The following GPC6 variants were observed in gnomAD, a reference collection of about 807,000 sequenced individuals.
The protein encoded by GPC6 is glypican-6.
In GPC6, 14 loss-of-function variants were observed where a neutral mutation model predicts 55.2. That is an observed-to-expected ratio of 0.25 (90% CI 0.17 to 0.40). The LOEUF (loss-of-function observed/expected upper bound fraction) is 0.40, where lower values mean the gene tolerates loss of function less well. Ranked by LOEUF, GPC6 falls within the 10% of genes least tolerant of loss-of-function variation. GPC6 has a pLI of 1.00. For synonymous variants in GPC6, 278 were observed against 259.6 expected (o/e 1.07, Z -0.68); for missense variants, 641 against 708.5 (o/e 0.90, Z 1.08).
chr13:93,673,483 A>T (rs1881456464), intron 2 of GPC6, among the ~76,000 whole-genome samples: 1 of 152,170 alleles, frequency 6.6e-6, no homozygotes, highest in Admixed American at 6.6e-5. Flanking sequence ...ACTGCACTGC[A>T]GCCTGGACGA....
chr13:93,361,570 A>T (rs1273713688), intron 1 of GPC6, among the ~76,000 whole-genome samples: 1 of 152,176 alleles, frequency 6.6e-6, no homozygotes, highest in Non-Finnish European at 1.5e-5. Context: ...AAAAACGTGT[A>T]TTTTCTAAAT....
Position 93,969,176 on chromosome 13 carries a change from G to C in GPC6, c.712-58553G>C, listed in dbSNP as rs1402030768. On this transcript the variant is annotated intron_variant, in intron 3 of 8. Transcript: ENST00000377047. ...TCTACTTCTCCCCAGTGTTATGGCA[G>C]CTTAGTAGTTTAAAAGGGATTGATA... 2.0e-5 allele frequency among the ~76,000 whole-genome samples: 3 copies of C among 152,188 alleles called. No homozygotes were observed. The East Asian group carries it at 5.8e-4, about 29-fold the overall frequency.
At chr13:94,115,413 A>AT (rs1566425498) in intron 4 of GPC6, among the ~76,000 whole-genome samples, 1 of 152,066 alleles carries the variant, frequency 6.6e-6, no homozygotes, top group African/African-American at 2.4e-5. Flanking sequence ...TCCCAGCTGA[A>AT]TTTTTTAAGC....
At chr13:93,412,422 G>A (rs1234974654) in intron 1 of GPC6, among the ~76,000 whole-genome samples, 2 of 152,156 alleles carry the variant, frequency 1.3e-5, no homozygotes, top group African/African-American at 2.4e-5. Context: ...TTGAGAGGCC[G>A]AGGCAGGTGG....
intron 4 of GPC6, among the ~76,000 whole-genome samples, chr13:94,114,591 G>C (rs987917822): frequency 3.9e-5 from 6 of 152,050 alleles, no homozygotes; most frequent in African/African-American, 1.4e-4. Flanking sequence ...TAGGATAGTG[G>C]GTGGGGTTGG....
intron 3 of GPC6, among the ~76,000 whole-genome samples, chr13:93,995,430 C>A (rs1933149): frequency 0.33 from 50,201 of 151,944 alleles, 8,794 homozygotes; most frequent in African/African-American, 0.44. Context: ...TCAAGTGATC[C>A]GTCCACCTTG....
chr13:94,092,975 C>T (rs1166197530), intron 4 of GPC6, among the ~76,000 whole-genome samples: 1 of 151,954 alleles, frequency 6.6e-6, no homozygotes, highest in Non-Finnish European at 1.5e-5. Context: ...TATTTGTTTT[C>T]TGGCTGAGTT....
chr13:94,100,523 A>G (rs1885818929), intron 4 of GPC6, among the ~76,000 whole-genome samples: 1 of 152,222 alleles, frequency 6.6e-6, no homozygotes. Context: ...TAATAGTATC[A>G]GCCCACATCT....
intron 8 of GPC6, among the ~76,000 whole-genome samples, chr13:94,401,101 AT>A (rs1468977238): frequency 2.3e-4 from 35 of 152,282 alleles, no homozygotes; most frequent in Non-Finnish European, 2.1e-4. Flanking sequence ...CAATATTGTC[AT>A]CTGTATTTGT....
chr13:93,396,543 G>A (rs138156298), intron 1 of GPC6, among the ~76,000 whole-genome samples: 3,914 of 151,742 alleles, frequency 0.026, 171 homozygotes, highest in African/African-American at 0.09. Flanking sequence ...ACTCCAGCCC[G>A]GGCAACAGAG....
chr13:93,745,459 A>G (rs921318447), intron 2 of GPC6, among the ~76,000 whole-genome samples: 6 of 152,032 alleles, frequency 3.9e-5, no homozygotes, highest in African/African-American at 1.4e-4. Context: ...TAAGTCACTG[A>G]CTTCTCCACA....
chr13:93,328,916 A>T, intron 1 of GPC6, among the ~76,000 whole-genome samples: 1 of 152,068 alleles, frequency 6.6e-6, no homozygotes. Context: ...AAATGCCAGG[A>T]GGTAGACTCC....
chr13:93,646,290 C>G (rs1293170309), intron 2 of GPC6, among the ~76,000 whole-genome samples: 1 of 152,010 alleles, frequency 6.6e-6, no homozygotes, highest in Non-Finnish European at 1.5e-5. Flanking sequence ...CAAGTAGTCC[C>G]AAGCTATGTT....
At chr13:93,614,035 C>T (rs1386353531) in intron 2 of GPC6, among the ~76,000 whole-genome samples, 1 of 152,162 alleles carries the variant, frequency 6.6e-6, no homozygotes, top group Admixed American at 6.5e-5. Context: ...ACCTCAAATG[C>T]TGTAAAGCTG....
chr13:94,386,717 A>T (rs1046874421), intron 7 of GPC6, among the ~76,000 whole-genome samples: 11 of 152,368 alleles, frequency 7.2e-5, no homozygotes, highest in African/African-American at 2.6e-4. Flanking sequence ...TATAAACTCA[A>T]GCCTGTGTGA....
chr13:93,693,935 A>C (rs1882354108), intron 2 of GPC6, among the ~76,000 whole-genome samples: 1 of 152,226 alleles, frequency 6.6e-6, no homozygotes, highest in Admixed American at 6.5e-5. Context: ...AGTAAACTTA[A>C]CTACTTATGG....
intron 2 of GPC6, among the ~76,000 whole-genome samples, chr13:93,590,639 T>C (rs1039997801): frequency 6.6e-6 from 1 of 152,164 alleles, no homozygotes; most frequent in Non-Finnish European, 1.5e-5. Flanking sequence ...TACTAAATAT[T>C]TTCAAGAGAT....
chr13:93,626,953 G>T (rs191702034), intron 2 of GPC6, among the ~76,000 whole-genome samples: 7 of 152,110 alleles, frequency 4.6e-5, no homozygotes, highest in African/African-American at 1.7e-4. Flanking sequence ...AAGCGGGCAT[G>T]TCTTACATGG....
At chr13:93,655,732 C>T (rs1880633787) in intron 2 of GPC6, among the ~76,000 whole-genome samples, 1 of 152,016 alleles carries the variant, frequency 6.6e-6, no homozygotes. Context: ...CTAACACCTG[C>T]CACAAGTAGA....
Sources: gnomAD v4.1 joint callset for allele counts (sites outside exome capture counted in the v4.1 genomes callset) on GRCh38, gnomAD v4.1.1 for gene constraint, MANE v1.5 for transcripts, NCBI Gene and HGNC (gene_info 2026-07-23, HGNC 2026-07-21) for gene names.